Variants in NWD2 observed in about 807,000 individuals in gnomAD.
NWD2 encodes the protein NACHT and WD repeat domain containing 2.
Under a neutral mutation model 132.7 loss-of-function variants are expected in NWD2, and 37 were observed. That is an observed-to-expected ratio of 0.28 (90% CI 0.21 to 0.37). The LOEUF (loss-of-function observed/expected upper bound fraction) is 0.37, where lower values mean the gene tolerates loss of function less well. NWD2 is among the 10% of genes least tolerant of loss of function. The probability of loss-of-function intolerance (pLI) is 1.00; values close to 1 mark genes in which losing one functional copy is unlikely to be tolerated. For missense variants in NWD2, 1,592 were observed against 2,122.4 expected, an observed-to-expected ratio of 0.75 and a Z score of 4.91; for synonymous variants, 705 against 803.0, an observed-to-expected ratio of 0.88 and a Z score of 2.06.
At chr4:37,272,180 T>G (rs1167960934) in intron 1 of NWD2, among the ~76,000 whole-genome samples, 1 of 151,768 alleles carries the variant, frequency 6.6e-6, no homozygotes, top group Non-Finnish European at 1.5e-5. Context: ...AATATTACCT[T>G]TTTATATATT....
chr4:37,287,093 A>G (rs985552087), intron 1 of NWD2, among the ~76,000 whole-genome samples: 3 of 152,194 alleles, frequency 2.0e-5, no homozygotes, highest in Non-Finnish European at 4.4e-5. Context: ...CCCCCAGCCA[A>G]GGGAGGCACA....
At chr4:37,276,037 G>A (rs1199615120) in intron 1 of NWD2, among the ~76,000 whole-genome samples, 2 of 152,120 alleles carry the variant, frequency 1.3e-5, no homozygotes, top group Admixed American at 1.3e-4. Context: ...ACATAGGCAT[G>A]GGCAAGGACT....
chr4:37,375,456 C>CT (rs1720328337), intron 3 of NWD2, among the ~76,000 whole-genome samples: 1 of 151,982 alleles, frequency 6.6e-6, no homozygotes, highest in South Asian at 2.1e-4. Flanking sequence ...GTTGTAACCT[C>CT]TTTTTTCCTG....
chr4:37,388,582 A>T lies in NWD2; in HGVS notation c.357+32100A>T, dbSNP rs1351292801. On this transcript the variant is annotated intron_variant, in intron 3 of 6. Coordinates refer to ENST00000309447, the MANE Select transcript of NWD2 (RefSeq NM_001144990.2). ...TATTGTGGAAAATATATATTTTTAT[A>T]TTGTGGGAAATATATATTTCTATTG... 1.1e-4 allele frequency among the ~76,000 whole-genome samples: 17 copies of T among 150,284 alleles called. No individual in the cohort carries two copies. In the Admixed American group the frequency reaches 1.1e-3, roughly 10 times the overall value.
intron 1 of NWD2, among the ~76,000 whole-genome samples, chr4:37,312,537 A>G (rs1205411964): frequency 6.6e-6 from 1 of 150,982 alleles, no homozygotes. Context: ...GGGCTGAGAC[A>G]GTGGGGTTCT....
chr4:37,363,231 G>A (rs541074998), intron 3 of NWD2, among the ~76,000 whole-genome samples: 46 of 152,302 alleles, frequency 3.0e-4, no homozygotes, highest in African/African-American at 1.1e-3. Context: ...TTCAGCCACT[G>A]TGTCAAAAGC....
intron 1 of NWD2, among the ~76,000 whole-genome samples, chr4:37,292,456 A>C (rs1461002690): frequency 6.6e-6 from 1 of 151,974 alleles, no homozygotes; most frequent in East Asian, 1.9e-4. Context: ...CCAAATCTTC[A>C]GTGCCTTGAT....
intron 3 of NWD2, among the ~76,000 whole-genome samples, chr4:37,416,274 G>A (rs1407539406): frequency 6.6e-6 from 1 of 152,168 alleles, no homozygotes; most frequent in Non-Finnish European, 1.5e-5. Context: ...TAAGTATGGA[G>A]TGAGAAATCG....
chr4:37,377,729 C>T (rs1411907167), intron 3 of NWD2, among the ~76,000 whole-genome samples: 1 of 151,586 alleles, frequency 6.6e-6, no homozygotes, highest in African/African-American at 2.4e-5. Context: ...GAAACTCCAT[C>T]TCAAAAAAAA....
intron 3 of NWD2, among the ~76,000 whole-genome samples, chr4:37,363,653 C>T (rs145871686): frequency 7.2e-5 from 11 of 152,170 alleles, no homozygotes; most frequent in African/African-American, 2.4e-4. Context: ...ACACATGCTG[C>T]CATCAGTGGC....
chr4:37,255,959 G>A (rs1469213236), intron 1 of NWD2, among the ~76,000 whole-genome samples: 2 of 152,142 alleles, frequency 1.3e-5, no homozygotes, highest in Non-Finnish European at 2.9e-5. Flanking sequence ...TTAGAACAAG[G>A]GATTTTGAAA....
At chr4:37,278,973 T>C (rs1477303200) in intron 1 of NWD2, among the ~76,000 whole-genome samples, 1 of 152,142 alleles carries the variant, frequency 6.6e-6, no homozygotes, top group Admixed American at 6.6e-5. Context: ...TTATACTTGA[T>C]TCTTTAGTAC....
intron 1 of NWD2, among the ~76,000 whole-genome samples, chr4:37,267,522 G>A (rs749425619): frequency 1.8e-4 from 28 of 151,542 alleles, no homozygotes; most frequent in Non-Finnish European, 1.5e-5. Flanking sequence ...TGCCTCTTTA[G>A]CAAATGTAAC....
intron 2 of NWD2, among the ~76,000 whole-genome samples, chr4:37,348,390 A>G (rs934712116): frequency 6.6e-6 from 1 of 151,670 alleles, no homozygotes; most frequent in Non-Finnish European, 1.5e-5. Flanking sequence ...ACCTGCCCTG[A>G]TTCTTGCTCT....
chr4:37,253,734 T>A (rs1470469087), intron 1 of NWD2, among the ~76,000 whole-genome samples: 1 of 152,126 alleles, frequency 6.6e-6, no homozygotes, highest in Non-Finnish European at 1.5e-5. Flanking sequence ...AAAAGTCACA[T>A]ATTTCTCTAT....
At chr4:37,309,809 C>T (rs1239742537) in intron 1 of NWD2, among the ~76,000 whole-genome samples, 6 of 152,182 alleles carry the variant, frequency 3.9e-5, no homozygotes, top group African/African-American at 1.4e-4. Context: ...TCCCAAGTTC[C>T]AATGCCTCAG....
chr4:37,325,190 T>A (rs1719144864), intron 1 of NWD2, among the ~76,000 whole-genome samples: 1 of 152,168 alleles, frequency 6.6e-6, no homozygotes, highest in South Asian at 2.1e-4. Flanking sequence ...AATGCATACA[T>A]GTTTTGTGAT....
Position 37,445,298 on chromosome 4 carries a change from G to A in NWD2, c.3310G>A (p.Val1104Ile), listed in dbSNP as rs775787015. Residue 1104 changes from valine (V) to isoleucine (I), a missense_variant, in exon 7 of 7, where the codon GTC becomes ATC. Physicochemically the swap from Val to Ile is conservative, Grantham distance 29. This residue lies in a region of NWD2 where 1,071 missense variants were observed against 1,398.0 expected (regional missense o/e 0.77). Transcript: ENST00000309447. This position sits in a 1 kb window ranked among gnomAD's most constrained non-coding sequence, Gnocchi z 4.7. The stretch of plus-strand genomic sequence containing the variant: ...CCACTGCTGGTATGAAGTGACGTGC[G>A]TCCAGTGCTCCCTGGATGGTCTGTA... ...QFHCWYEVTC[V>I]QCSLDGLYAF... The A allele has an allele frequency of 5.7e-5, 88 of 1,551,884 alleles. No individual in the cohort carries two copies. The highest frequency in any genetic ancestry group is 1.7e-4 in the Middle Eastern group (1 of 6,016).
rs1052725373 is a variant in NWD2, at chr4:37,445,297, C to G, written c.3309C>G (p.Cys1103Trp). Reference sequence around the variant, plus strand: ...TCCACTGCTGGTATGAAGTGACGTGCGTCCAGTGCTCCCTGGATGGTCTGT... The same window carrying G: ...TCCACTGCTGGTATGAAGTGACGTGGGTCCAGTGCTCCCTGGATGGTCTGT... Reference protein sequence around the residue: ...YQFHCWYEVTCVQCSLDGLYA... With the variant: ...YQFHCWYEVTWVQCSLDGLYA... The change falls in exon 7 of 7, where the codon TGC (cysteine) becomes TGG (tryptophan). Residue 1103 changes from cysteine to tryptophan, a missense_variant. Transcript: ENST00000309447. This position sits in a 1 kb window ranked among gnomAD's most constrained non-coding sequence, Gnocchi z 4.7. 2 of 1,552,008 alleles carry G rather than the reference C, an allele frequency of 1.3e-6. No homozygotes were observed. The highest frequency in any genetic ancestry group is 2.7e-5 in the African/African-American group (2 of 73,168).
Sources: gnomAD v4.1 joint callset for allele counts (sites outside exome capture counted in the v4.1 genomes callset) on GRCh38, gnomAD v4.1.1 for gene constraint, gnomAD v4.1.1 regional missense constraint, Gnocchi (gnomAD v3.1) non-coding constraint, MANE v1.5 for transcripts, NCBI Gene and HGNC (gene_info 2026-07-23, HGNC 2026-07-21) for gene names.